The following INO80 variants were observed in gnomAD, a reference collection of about 807,000 sequenced individuals.
The protein encoded by INO80 is INO80 complex ATPase subunit, also known as chromatin-remodeling ATPase INO80.
Under a neutral mutation model 203.4 loss-of-function variants are expected in INO80, and 20 were observed. The ratio of observed to expected loss-of-function variants is 0.10; its 90% CI spans 0.07 to 0.14. The LOEUF is 0.14. Among genes scored for constraint, INO80 ranks in the 10% least tolerant of loss-of-function variants. INO80 has a pLI of 1.00. For synonymous variants in INO80, 726 were observed against 685.2 expected (o/e 1.06, Z -0.93); for missense variants, 1,419 against 1,914.4 (o/e 0.74, Z 4.83).
In INO80 at chr15:41,049,352, T is replaced by C. The variant is rs754597051; in HGVS notation, c.2511A>G (p.Pro837=). The C allele has an allele frequency of 1.2e-6, 2 of 1,612,092 alleles. No individual in the cohort carries two copies. The highest frequency in any genetic ancestry group is 1.7e-5 in the Admixed American group (1 of 60,014). Residue 837 remains proline, a synonymous_variant, in exon 21 of 36, where the codon CCA becomes CCG. Transcript: ENST00000648947. ...GGTAGATAAACTTTGAAATGTGGTA[T>C]GGCTTTAGGGAAATATGAAATGGAG... The part of the protein sequence containing the change: ...TWSPFHISLK[P]YHISKFIYRH...
At chr15:41,013,915 G>C (rs149610577) in intron 27 of INO80, among the ~76,000 whole-genome samples, 50 of 152,218 alleles carry the variant, frequency 3.3e-4, no homozygotes, top group African/African-American at 1.1e-3. Flanking sequence ...GTTTAGAGAG[G>C]TTCTCAAGCT....
At position 41,069,620 on chromosome 15, in the gene INO80, T is replaced by C; in HGVS notation, c.1732A>G (p.Thr578Ala). The change falls in exon 14 of 36, where the codon ACA becomes GCA. Residue 578 changes from threonine to alanine, a missense_variant. This residue lies in a region of INO80 where 192 missense variants were observed against 406.7 expected (regional missense o/e 0.47). Coordinates refer to ENST00000648947, the MANE Select transcript of INO80 (RefSeq NM_017553.3). ...AACTCCTGGTGCCAATTGTTAAGTG[T>C]AGACGCAGGTGAAATTATTAAGAAA... Reference protein sequence around the residue: ...GPFLIISPASTLNNWHQEFTR... With the variant: ...GPFLIISPASALNNWHQEFTR... The C allele has an allele frequency of 1.2e-6, 2 of 1,612,264 alleles. No homozygotes were observed. Among genetic ancestry groups the C allele is most frequent in the Non-Finnish European group, 1.7e-6 (2 of 1,178,946 alleles).
At chr15:40,985,566 T>C (rs2043718920) in intron 31 of INO80, 140 bp from the exon 32 acceptor site, 1 of 686,436 alleles carries the variant, frequency 1.5e-6, no homozygotes, top group Non-Finnish European at 2.5e-6. Flanking sequence ...AACCAGTGGT[T>C]TTCTAACTTG....
intron 19 of INO80, among the ~76,000 whole-genome samples, chr15:41,051,192 A>G (rs994412601): frequency 6.7e-6 from 1 of 150,220 alleles, no homozygotes; most frequent in African/African-American, 2.5e-5. Context: ...GTTTCTCATC[A>G]TCATAACCTC....
intron 1 of INO80, among the ~76,000 whole-genome samples, chr15:41,104,361 C>T (rs551364365): frequency 2.6e-5 from 4 of 152,180 alleles, no homozygotes; most frequent in Non-Finnish European, 1.5e-5. Context: ...AACTCTGGCT[C>T]ATTATCCTGA....
rs959770427 is a variant in INO80, at chr15:41,096,177, T to C, written c.134A>G (p.Asn45Ser). ...LRQTSAIFNRNISSDDSEDGL... is the reference protein window; with the variant it reads ...LRQTSAIFNRSISSDDSEDGL... ...AGATACAATAACATACCTAGAAATA[T>C]TCCTATTGAAGATAGCTGACGTTTG... The change falls in exon 2 of 36, where the codon AAT becomes AGT. Residue 45 changes from asparagine (N) to serine (S), a missense_variant. By Grantham distance (46) the Asn-to-Ser change is conservative (BLOSUM62 1). This residue lies in a region of INO80 where 323 missense variants were observed against 325.4 expected (regional missense o/e 0.99). Coordinates refer to ENST00000648947, the MANE Select transcript of INO80 (RefSeq NM_017553.3). 3 of 1,605,146 alleles carry C rather than the reference T, an allele frequency of 1.9e-6. No individual in the cohort carries two copies. Among genetic ancestry groups the C allele is most frequent in the South Asian group, 2.2e-5 (2 of 89,354 alleles).
chr15:41,028,984 T>C (rs764214280), intron 24 of INO80, among the ~76,000 whole-genome samples: 3 of 152,264 alleles, frequency 2.0e-5, no homozygotes, highest in African/African-American at 7.2e-5. Context: ...TGGTGTTCTA[T>C]ATAAGAAATG....
At position 41,099,855 on chromosome 15, in the gene INO80, A is replaced by T. The variant is rs571691212; in HGVS notation, c.-43-3502T>A. Among the ~76,000 whole-genome samples, 23 of 152,270 alleles carry T rather than the reference A, an allele frequency of 1.5e-4. 1 individual carries two copies. In the South Asian group the frequency reaches 4.8e-3, roughly 32 times the overall value. ...ACCCACCCACTCCAGAAGATTTCAAAGAAATTGGTTTTTAAAATACAACAA... is the reference window on the plus strand; with the variant it reads ...ACCCACCCACTCCAGAAGATTTCAATGAAATTGGTTTTTAAAATACAACAA... On this transcript the variant is annotated intron_variant, in intron 1 of 35. Transcript: ENST00000648947.
chr15:41,019,738 G>C (rs2044261394), intron 26 of INO80, among the ~76,000 whole-genome samples: 1 of 152,200 alleles, frequency 6.6e-6, no homozygotes, highest in South Asian at 2.1e-4. Flanking sequence ...ACTGCCTTCA[G>C]ATACGCAGAA....
intron 24 of INO80, among the ~76,000 whole-genome samples, chr15:41,036,188 C>CA (rs1263861113): frequency 7.9e-6 from 1 of 126,510 alleles, no homozygotes; most frequent in Non-Finnish European, 1.7e-5. Context: ...AAAAAAAACC[C>CA]AAAAAAACCA....
chr15:40,985,718 G>T (rs1006890842), intron 31 of INO80, among the ~76,000 whole-genome samples: 14 of 151,926 alleles, frequency 9.2e-5, no homozygotes, highest in African/African-American at 3.1e-4. Context: ...GAGACCAGCC[G>T]GGCCAACATA....
At chr15:41,022,641 G>C (rs1201563424) in intron 25 of INO80, among the ~76,000 whole-genome samples, 1 of 152,216 alleles carries the variant, frequency 6.6e-6, no homozygotes, top group Non-Finnish European at 1.5e-5. Flanking sequence ...CTGGCTTGCA[G>C]ATGAAGCTGA....
intron 35 of INO80, among the ~76,000 whole-genome samples, chr15:40,981,170 C>T (rs1326895845): frequency 7.1e-5 from 2 of 28,354 alleles, no homozygotes; most frequent in Admixed American, 1.6e-3. Flanking sequence ...ATGTCTCTCT[C>T]CTCATCCACA....
At chr15:41,061,460 A>AAAAG (rs1214365484) in intron 14 of INO80, among the ~76,000 whole-genome samples, 1 of 149,456 alleles carries the variant, frequency 6.7e-6, no homozygotes, top group Non-Finnish European at 1.5e-5. Flanking sequence ...CAAAAAAAAA[A>AAAAG]AAAAAAAAAA....
intron 35 of INO80, 148 bp from the exon 36 acceptor site, chr15:40,980,588 G>A (rs1010812334): frequency 1.1e-5 from 7 of 630,362 alleles, no homozygotes; most frequent in African/African-American, 1.8e-5. Flanking sequence ...TTCTTGGCAT[G>A]TTTGCTTGCT....
intron 24 of INO80, among the ~76,000 whole-genome samples, chr15:41,031,508 A>G (rs1261463813): frequency 3.9e-5 from 3 of 77,066 alleles, no homozygotes; most frequent in Non-Finnish European, 5.2e-5. Flanking sequence ...AAGGAGAAGG[A>G]AGGAAGGGGA....
chr15:40,984,104 C>T, intron 33 of INO80, 93 bp downstream of exon 33: 1 of 1,432,002 alleles, frequency 7.0e-7, no homozygotes, highest in Non-Finnish European at 9.6e-7. Context: ...TGGAGAACTC[C>T]AGGAGAAGCA....
Position 41,096,345 on chromosome 15 carries a change from A to G in INO80, c.-35T>C. ...CTGTCTTCATGCACAAGGACCTCCG[A>G]CTGCACGGCTGCAGAACAGAGATAA... On this transcript the variant is annotated 5_prime_UTR_variant, in exon 2 of 36. Coordinates refer to ENST00000648947, the MANE Select transcript of INO80 (RefSeq NM_017553.3). The G allele has an allele frequency of 6.5e-7, 1 of 1,535,610 alleles. No individual in the cohort carries two copies. The highest frequency in any genetic ancestry group is 8.7e-7 in the Non-Finnish European group (1 of 1,146,938).
intron 1 of INO80, among the ~76,000 whole-genome samples, chr15:41,101,036 G>A (rs1182451337): frequency 6.6e-6 from 1 of 151,774 alleles, no homozygotes; most frequent in African/African-American, 2.4e-5. Context: ...TACCATGTTG[G>A]CCAGGCTGGT....
Sources: gnomAD v4.1 joint callset for allele counts (sites outside exome capture counted in the v4.1 genomes callset) on GRCh38, gnomAD v4.1.1 for gene constraint, gnomAD v4.1.1 regional missense constraint, MANE v1.5 for transcripts, NCBI Gene and HGNC (gene_info 2026-07-23, HGNC 2026-07-21) for gene names.